The following DCDC2 variants were observed in gnomAD, a reference collection of about 807,000 sequenced individuals.
The protein encoded by DCDC2 is doublecortin domain containing 2.
DCDC2 carries 40 observed loss-of-function variants against 50.2 expected under a neutral mutation model. The observed-to-expected ratio is 0.80, with a 90% CI of 0.62 to 1.04. The LOEUF is 1.04. Ranked by LOEUF, DCDC2 falls within the 50% of genes least tolerant of loss-of-function variation. The pLI is 0.00. For missense variants in DCDC2, 570 were observed against 581.9 expected (o/e 0.98, Z 0.21); for synonymous variants, 234 against 210.6 (o/e 1.11, Z -0.96).
chr6:24,252,861 G>C (rs1004284820), intron 7 of DCDC2, among the ~76,000 whole-genome samples: 1 of 152,098 alleles, frequency 6.6e-6, no homozygotes, highest in Non-Finnish European at 1.5e-5. Flanking sequence ...CACCACAGTG[G>C]AATTAAGCTA....
intron 7 of DCDC2, among the ~76,000 whole-genome samples, chr6:24,236,569 T>C (rs1231950245): frequency 6.6e-6 from 1 of 152,072 alleles, no homozygotes; most frequent in African/African-American, 2.4e-5. Flanking sequence ...CTAAAGAGCT[T>C]CTGCACACCA....
chr6:24,359,231 T>TA (rs1561789288), upstream of DCDC2, among the ~76,000 whole-genome samples: 1 of 67,376 alleles, frequency 1.5e-5, no homozygotes, highest in African/African-American at 6.6e-5. Flanking sequence ...TTTTATATAT[T>TA]TTATATATTT....
chr6:24,210,019 G>GGTGTGTGTGT lies in DCDC2; in HGVS notation c.923-4927_923-4918dup, dbSNP rs71002475. Among the ~76,000 whole-genome samples the GGTGTGTGTGT allele has an allele frequency of 4.7e-3, 684 of 145,248 alleles. 4 individuals carry two copies. Among genetic ancestry groups the GGTGTGTGTGT allele is most frequent in the East Asian group, 0.028 (137 of 4,902 alleles). On this transcript the variant is annotated intron_variant, in intron 7 of 9. Coordinates refer to ENST00000378454, the MANE Select transcript of DCDC2 (RefSeq NM_016356.5). ...GCAGCTTTTAATGCAGCAGTATCAG[G>GGTGTGTGTGT]GTGTGTGTGTGTGTGTGTGTGTGTG...
chr6:24,312,013 C>T (rs1221665710), intron 2 of DCDC2, among the ~76,000 whole-genome samples: 4 of 152,182 alleles, frequency 2.6e-5, no homozygotes, highest in Non-Finnish European at 4.4e-5. Context: ...TAACTGATGA[C>T]ATTCCACCAT....
rs56731018 is a variant in DCDC2, at chr6:24,179,547, C to CA, written c.1024-916dup. ...TGGGTGACAGAGCAAGACACCATCT[C>CA]AAAAAAAAAAAAAAAAAAAAAAAAA... On this transcript the variant is annotated intron_variant, in intron 8 of 9. Transcript: ENST00000378454. Among the ~76,000 whole-genome samples the CA allele has an allele frequency of 1.1e-3, 56 of 49,598 alleles. 3 individuals are homozygous for CA. Among genetic ancestry groups the CA allele is most frequent in the Admixed American group, 2.1e-3 (6 of 2,796 alleles). The allele number at this position is 49,598 out of a possible 152,430, so 32.5% of individuals were successfully genotyped here.
rs2127257931 is a variant in DCDC2, at chr6:24,357,888, G to C, written c.-138C>G. On this transcript the variant is annotated 5_prime_UTR_variant, in exon 1 of 10. Transcript: ENST00000378454. Reference sequence around the variant, plus strand: ...AACTGACGAATCCACAGGTGAAAGAGAAGTAACGGCCGTGCGCCTAGGCGT... The same window carrying C: ...AACTGACGAATCCACAGGTGAAAGACAAGTAACGGCCGTGCGCCTAGGCGT... 2.6e-6 allele frequency: 4 copies of C among 1,557,222 alleles called. No homozygotes were observed. The highest frequency in any genetic ancestry group is 3.5e-6 in the Non-Finnish European group (4 of 1,150,912).
At position 24,271,024 on chromosome 6, in the gene DCDC2, C is replaced by A. The variant is rs541239301; in HGVS notation, c.922+7025G>T. 3.3e-5 allele frequency among the ~76,000 whole-genome samples: 5 copies of A among 151,822 alleles called. No individual in the cohort carries two copies. The East Asian group carries it at 7.8e-4, about 24-fold the overall frequency. ...ATCACTTGAGCTTAGGAGTTTGAGA[C>A]CAGCCTGGGCAACATGGTGAAACCC... On this transcript the variant is annotated intron_variant, in intron 7 of 9. Coordinates refer to ENST00000378454, the MANE Select transcript of DCDC2 (RefSeq NM_016356.5).
At chr6:24,359,151 T>TTATATATTTTATATATTTTA (rs1561789060), upstream of DCDC2, among the ~76,000 whole-genome samples, 4 of 64,632 alleles carry the variant, frequency 6.2e-5, no homozygotes, top group Non-Finnish European at 7.6e-5. Context: ...ATTATATATT[T>TTATATATTTTATATATTTTA]TATATATTTT....
chr6:24,286,957 AC>A (rs1259582877), intron 6 of DCDC2, among the ~76,000 whole-genome samples: 1 of 151,926 alleles, frequency 6.6e-6, no homozygotes, highest in East Asian at 1.9e-4. Flanking sequence ...TTCCCCTCAT[AC>A]CAAGATAGTT....
At chr6:24,325,933 A>G (rs1759850366) in intron 2 of DCDC2, among the ~76,000 whole-genome samples, 1 of 149,110 alleles carries the variant, frequency 6.7e-6, no homozygotes, top group Non-Finnish European at 1.5e-5. Context: ...CATAATATTT[A>G]CTTGATATTA....
intron 7 of DCDC2, among the ~76,000 whole-genome samples, chr6:24,257,820 C>G (rs1464675690): frequency 6.6e-6 from 1 of 152,010 alleles, no homozygotes; most frequent in Non-Finnish European, 1.5e-5. Context: ...TGGAGACCAT[C>G]TGGAAAAAAG....
chr6:24,260,342 G>A (rs990510408), intron 7 of DCDC2, among the ~76,000 whole-genome samples: 4 of 152,166 alleles, frequency 2.6e-5, no homozygotes, highest in Non-Finnish European at 5.9e-5. Flanking sequence ...TTGGAGACCA[G>A]TCCAGACTAA....
chr6:24,238,224 GTGATCCTGGGGTGTAA>G (rs1353174661), intron 7 of DCDC2, among the ~76,000 whole-genome samples: 1 of 128,870 alleles, frequency 7.8e-6, no homozygotes, highest in Non-Finnish European at 1.6e-5. Context: ...ACCACTGATT[GTGATCCTGGGGTGTAA>G]TCATCCCTGC....
chr6:24,295,351 A>C (rs774480397), intron 4 of DCDC2, among the ~76,000 whole-genome samples: 2 of 152,208 alleles, frequency 1.3e-5, no homozygotes, highest in Non-Finnish European at 2.9e-5. Context: ...AGAAACCCAC[A>C]GCTAACATCA....
upstream of DCDC2, among the ~76,000 whole-genome samples, chr6:24,358,943 A>ATTATATATTATATT (rs1760563552): frequency 1.5e-4 from 8 of 54,270 alleles, no homozygotes; most frequent in African/African-American, 7.6e-4. Flanking sequence ...TATTTTATAT[A>ATTATATATTATATT]TTATATATTA....
chr6:24,310,923 C>A (rs1162056710), intron 2 of DCDC2, among the ~76,000 whole-genome samples: 1 of 152,138 alleles, frequency 6.6e-6, no homozygotes, highest in Non-Finnish European at 1.5e-5. Flanking sequence ...CCCCTTCTTA[C>A]CTGCCCCCAC....
At chr6:24,347,628 A>G (rs1760290867) in intron 2 of DCDC2, among the ~76,000 whole-genome samples, 2 of 152,322 alleles carry the variant, frequency 1.3e-5, no homozygotes, top group South Asian at 4.1e-4. Flanking sequence ...ATTTTATATA[A>G]AGACTTGAGC....
At chr6:24,374,968 A>T in the DCDC2 span, among the ~76,000 whole-genome samples, 2 of 152,198 alleles carry the variant, frequency 1.3e-5, no homozygotes, top group African/African-American at 4.8e-5. Flanking sequence ...GGAGACCCTG[A>T]CCCCACAGGG....
chr6:24,379,430 A>G, the DCDC2 span, among the ~76,000 whole-genome samples: 1 of 152,252 alleles, frequency 6.6e-6, no homozygotes, highest in African/African-American at 2.4e-5. Context: ...GCCAACAGAC[A>G]TATGAAAAAA....
Sources: allele counts gnomAD v4.1 joint callset (sites outside exome capture counted in the v4.1 genomes callset), GRCh38; gene constraint gnomAD v4.1.1; transcripts MANE v1.5; gene names NCBI Gene and HGNC (gene_info 2026-07-23, HGNC 2026-07-21).